The following INTS3 variants were observed in gnomAD, a reference collection of about 807,000 sequenced individuals.
INTS3 encodes SOSS complex subunit A.
A neutral mutation model predicts 146.3 loss-of-function variants in INTS3; 34 were observed. The ratio of observed to expected loss-of-function variants is 0.23; its 90% confidence interval spans 0.18 to 0.31. The LOEUF (loss-of-function observed/expected upper bound fraction) is 0.31, where lower values mean the gene tolerates loss of function less well. INTS3 is among the 10% of genes least tolerant of loss of function. The probability of loss-of-function intolerance (pLI) is 1.00; values close to 1 mark genes in which losing one functional copy is unlikely to be tolerated. For synonymous variants in INTS3, 475 were observed against 494.9 expected (o/e 0.96, Z 0.53); for missense variants, 757 against 1,304.2 (o/e 0.58, Z 6.46).
intron 3 of INTS3, among the ~76,000 whole-genome samples, chr1:153,741,718 C>T (rs1671540859): frequency 6.6e-6 from 1 of 152,206 alleles, no homozygotes; most frequent in Non-Finnish European, 1.5e-5. Flanking sequence ...AAGAGCATGG[C>T]CTGTAGTTTG....
intron 11 of INTS3, 79 bp from the exon 12 acceptor site, chr1:153,760,232 C>CAAA (rs58951043): frequency 5.5e-3 from 2,150 of 394,350 alleles, no homozygotes; most frequent in South Asian, 9.5e-3. Context: ...GACTCTGTTT[C>CAAA]AAAAAAAAAA....
At chr1:153,731,901 C>CTTTTTTTTTT (rs34353204) in intron 1 of INTS3, among the ~76,000 whole-genome samples, 4 of 65,280 alleles carry the variant, frequency 6.1e-5, no homozygotes, top group East Asian at 5.2e-4. Context: ...CTTTTTTTAA[C>CTTTTTTTTTT]TTTTTTTTTT....
intron 1 of INTS3, among the ~76,000 whole-genome samples, chr1:153,733,753 C>T (rs562805534): frequency 1.7e-3 from 264 of 151,712 alleles, no homozygotes; most frequent in African/African-American, 5.7e-3. Context: ...TACAAGTGTG[C>T]GCCACCACAC....
intron 20 of INTS3, chr1:153,766,713 A>G (rs1283072443): frequency 1.4e-5 from 2 of 137,952 alleles, no homozygotes; most frequent in Non-Finnish European, 3.1e-5. Flanking sequence ...TTTTTGAGGC[A>G]GAGTCTCGCT....
At chr1:153,771,552 C>A (rs1210356401) in intron 25 of INTS3, among the ~76,000 whole-genome samples, 1 of 152,142 alleles carries the variant, frequency 6.6e-6, no homozygotes, top group Admixed American at 6.5e-5. Flanking sequence ...AACTGAGGGT[C>A]CTCCTTCCCA....
intron 6 of INTS3, among the ~76,000 whole-genome samples, chr1:153,750,022 C>G (rs1351351895): frequency 1.3e-5 from 2 of 152,162 alleles, no homozygotes; most frequent in African/African-American, 4.8e-5. Context: ...CACTCCCTTC[C>G]AAATGTTTCT....
In INTS3 at chr1:153,772,461, G is replaced by A. The variant is rs369030803; in HGVS notation, c.2821+21G>A. 192 of 1,614,010 alleles carry A rather than the reference G, an allele frequency of 1.2e-4. No homozygotes were observed. The highest frequency in any genetic ancestry group is 4.0e-4 in the Admixed American group (24 of 60,000). The stretch of plus-strand genomic sequence containing the variant: ...GAACTGTATGCCTTCCACCCTCGGC[G>A]TCCAGTGTAGACGGTGCTGCCCTGG... On this transcript the variant is annotated intron_variant, in intron 27 of 29. Coordinates refer to ENST00000318967, the MANE Select transcript of INTS3 (RefSeq NM_023015.5). The surrounding 1 kb of genome is among the most constrained non-coding windows in gnomAD (Gnocchi z 4.6).
intron 20 of INTS3, among the ~76,000 whole-genome samples, chr1:153,766,279 G>A (rs566217867): frequency 6.7e-6 from 1 of 148,518 alleles, no homozygotes. Context: ...AGATCTTCAC[G>A]CCCAGCTAAT....
At position 153,741,353 on chromosome 1, in the gene INTS3, T is replaced by G; in HGVS notation, c.303T>G (p.Pro101=). The G allele has an allele frequency of 6.2e-7, 1 of 1,613,798 alleles. No homozygotes were observed. Among genetic ancestry groups the G allele is most frequent in the Non-Finnish European group, 8.5e-7 (1 of 1,179,690 alleles). ...LGLFTLILTE[P]AQAQKCYRDL... is the part of the protein sequence containing the mutation. The stretch of plus-strand genomic sequence containing the variant: ...TGTTTACTCTCATCCTCACTGAACC[T>G]GCCCAAGCCCAGAAGGTAAGGCACC... Residue 101 remains proline (P), a synonymous_variant, in exon 3 of 30, where the codon CCT becomes CCG. Coordinates refer to ENST00000318967, the MANE Select transcript of INTS3 (RefSeq NM_023015.5).
intron 25 of INTS3, among the ~76,000 whole-genome samples, chr1:153,771,036 C>T (rs1188695869): frequency 1.3e-5 from 2 of 151,744 alleles, no homozygotes; most frequent in Non-Finnish European, 2.9e-5. Flanking sequence ...CTCCCCGCCG[C>T]GCCCCCCCCA....
In INTS3 at chr1:153,760,713, G is replaced by C. The variant is rs1672352001; in HGVS notation, c.1318-114G>C. The C allele has an allele frequency of 3.6e-6, 3 of 842,728 alleles. No homozygotes were observed. In the African/African-American group the frequency reaches 5.0e-5, roughly 14 times the overall value. The allele number at this position is 842,728 out of a possible 1,614,324, so 52.2% of individuals were successfully genotyped here. On this transcript the variant is annotated intron_variant, in intron 12 of 29. Transcript: ENST00000318967. ...GTCAGGAAGTCCAGTTCTCTCTGCA[G>C]CCATACTCCCCAGTGTCCCCTGATC...
intron 13 of INTS3, chr1:153,761,278 A>G (rs925717832): frequency 1.0e-5 from 5 of 485,660 alleles, no homozygotes; most frequent in African/African-American, 7.8e-5. Context: ...TGGGAGGCCA[A>G]GGTGGGCAGA....
intron 20 of INTS3, among the ~76,000 whole-genome samples, chr1:153,765,958 TCTCATA>T (rs1487768637): frequency 1.3e-5 from 2 of 152,048 alleles, no homozygotes; most frequent in Non-Finnish European, 2.9e-5. Context: ...CAAAAAGAAA[TCTCATA>T]CTCATTAGCA....
At chr1:153,750,599 C>A (rs1322648101) in intron 6 of INTS3, among the ~76,000 whole-genome samples, 1 of 152,182 alleles carries the variant, frequency 6.6e-6, no homozygotes, top group African/African-American at 2.4e-5. Context: ...GTTCTCAAAA[C>A]TCCAGGTCCT....
chr1:153,773,169 C>T, intron 29 of INTS3, 24 bp from the exon 30 acceptor site: 1 of 1,613,896 alleles, frequency 6.2e-7, no homozygotes, highest in Non-Finnish European at 8.5e-7. Context: ...GTTAACTTCC[C>T]ATTTCCCCTC....
rs189156148 is a variant in INTS3, at chr1:153,748,574, G to A, written c.518-115G>A. On this transcript the variant is annotated intron_variant, in intron 5 of 29. Coordinates refer to ENST00000318967, the MANE Select transcript of INTS3 (RefSeq NM_023015.5). ...GAAGGCAGTTTATCTCAGCAGTGAA[G>A]GGATGGCAGTAATGGGATGGCAGTC... 1.0e-3 allele frequency: 860 copies of A among 830,040 alleles called. 3 individuals carry two copies. In the African/African-American group the frequency reaches 0.011, roughly 11 times the overall value. The allele number at this position is 830,040 out of a possible 1,614,324, so 51.4% of individuals were successfully genotyped here. A position where few individuals can be genotyped will look rare whatever the true frequency, so the allele number is the denominator to read the frequency against.
At chr1:153,745,484 T>G (rs6690572) in intron 3 of INTS3, among the ~76,000 whole-genome samples, 4,337 of 151,266 alleles carry the variant, frequency 0.029, 169 homozygotes, top group African/African-American at 0.075. Context: ...GATTATTATT[T>G]TTGATGCCAT....
intron 1 of INTS3, among the ~76,000 whole-genome samples, chr1:153,730,193 C>T (rs909247080): frequency 6.6e-6 from 1 of 152,210 alleles, no homozygotes; most frequent in Non-Finnish European, 1.5e-5. Flanking sequence ...TACTTGCAGT[C>T]TGCCTTCCCG....
At position 153,759,541 on chromosome 1, in the gene INTS3, T is replaced by A; in HGVS notation, c.1165T>A (p.Ser389Thr). Reference protein sequence around the residue: ...LTTCTSNVAASNAKLALFYDW... With the variant: ...LTTCTSNVAATNAKLALFYDW... ...TCTTTTCCAGTCAAATGTCGCTGCC[T>A]CCAATGCCAAGCTGGCTTTGTTTTA... is the stretch of plus-strand genomic sequence containing the variant. Residue 389 changes from serine to threonine, a missense_variant, in exon 11 of 30, where the codon TCC becomes ACC. Around this residue, in one of 8 missense-constraint regions of INTS3, gnomAD observed 35 missense variants for 122.2 expected, o/e 0.29. Transcript: ENST00000318967. 6.2e-7 allele frequency: 1 copy of A among 1,613,432 alleles called. No homozygotes were observed. Among genetic ancestry groups the A allele is most frequent in the South Asian group, 1.1e-5 (1 of 91,056 alleles).
Sources: allele counts gnomAD v4.1 joint callset (sites outside exome capture counted in the v4.1 genomes callset), GRCh38; gene constraint gnomAD v4.1.1; regional missense constraint gnomAD v4.1.1; non-coding constraint Gnocchi (gnomAD v3.1); transcripts MANE v1.5; gene names NCBI Gene and HGNC (gene_info 2026-07-23, HGNC 2026-07-21).